The following CECR2 variants were observed in gnomAD, a reference collection of about 807,000 sequenced individuals.
CECR2 encodes chromatin remodeling regulator CECR2.
Under a neutral mutation model 154.5 loss-of-function variants are expected in CECR2, and 30 were observed. The ratio of observed to expected loss-of-function variants is 0.19; its 90% CI spans 0.15 to 0.26. The LOEUF is 0.26. Ranked by LOEUF, CECR2 falls within the 10% of genes least tolerant of loss-of-function variation. The pLI is 1.00. For missense variants in CECR2, 1,743 were observed against 1,829.3 expected, an observed-to-expected ratio of 0.95 and a Z score of 0.86; for synonymous variants, 725 against 683.7, an observed-to-expected ratio of 1.06 and a Z score of -0.94.
chr22:17,499,423 A>G lies in CECR2; in HGVS notation c.419A>G (p.Asp140Gly). Residue 140 changes from aspartate (D) to glycine (G), a missense_variant, in exon 4 of 19, where the codon GAC (aspartate) becomes GGC (glycine). Physicochemically the swap from Asp to Gly is moderately conservative, Grantham distance 94 (BLOSUM62 -1). Coordinates refer to ENST00000262608, the MANE Select transcript of CECR2 (RefSeq NM_001290047.2). The stretch of plus-strand genomic sequence containing the variant: ...TGCTCTGTGTAGGGCCTGGATGCAG[A>G]CAGTCTCCGTGTGGAGCCATTGGGT... ...VFDLLKGLDA[D>G]SLRVEPLGED... 1 of 1,613,672 alleles carries G rather than the reference A, an allele frequency of 6.2e-7. No homozygotes were observed.
At chr22:17,364,914 A>C (rs541402709), upstream of CECR2, among the ~76,000 whole-genome samples, 4 of 152,094 alleles carry the variant, frequency 2.6e-5, no homozygotes, top group South Asian at 8.3e-4. Flanking sequence ...AAGAGAGAAA[A>C]CTGGCTGAAC....
At chr22:17,529,678 C>T (rs983053107) in intron 9 of CECR2, among the ~76,000 whole-genome samples, 4 of 145,912 alleles carry the variant, frequency 2.7e-5, no homozygotes, top group African/African-American at 1.0e-4. Flanking sequence ...CCAGCCTGGG[C>T]GACAGAGCAA....
chr22:17,385,937 T>G (rs1199383549), intron 1 of CECR2, among the ~76,000 whole-genome samples: 1 of 152,118 alleles, frequency 6.6e-6, no homozygotes, highest in African/African-American at 2.4e-5. Flanking sequence ...GAGCATGTGA[T>G]GAAGGTTGCG....
chr22:17,501,849 A>C (rs2055744035), intron 5 of CECR2, among the ~76,000 whole-genome samples: 1 of 152,154 alleles, frequency 6.6e-6, no homozygotes, highest in South Asian at 2.1e-4. Flanking sequence ...TCATTTTAAC[A>C]AGCATCCATG....
At chr22:17,462,369 A>C (rs1458852481) in intron 1 of CECR2, among the ~76,000 whole-genome samples, 3 of 151,066 alleles carry the variant, frequency 2.0e-5, no homozygotes, top group Non-Finnish European at 4.4e-5. Flanking sequence ...TGAAATAATA[A>C]TAAAAAAAAA....
At chr22:17,501,557 CA>C (rs796753354) in intron 5 of CECR2, among the ~76,000 whole-genome samples, 53 of 142,254 alleles carry the variant, frequency 3.7e-4, no homozygotes, top group South Asian at 4.5e-4. Context: ...TACTCCATCT[CA>C]AAAAAAAAAA....
chr22:17,362,769 G>A (rs138781577), intron 1 of CECR2, among the ~76,000 whole-genome samples: 1 of 151,900 alleles, frequency 6.6e-6, no homozygotes, highest in African/African-American at 2.4e-5. Context: ...GGGCACAGCA[G>A]TGGGTGCCTG....
intron 1 of CECR2, among the ~76,000 whole-genome samples, chr22:17,448,682 G>C (rs1298482143): frequency 6.6e-6 from 1 of 152,046 alleles, no homozygotes. Context: ...GTTTTCCTTT[G>C]TCCAGCTTAA....
At chr22:17,380,841 C>T (rs527993725) in intron 1 of CECR2, among the ~76,000 whole-genome samples, 12 of 152,266 alleles carry the variant, frequency 7.9e-5, no homozygotes, top group Admixed American at 3.3e-4. Context: ...TTCTCCTGGC[C>T]GGTTCCTTTT....
At chr22:17,499,287 C>T (rs1386329310) in intron 3 of CECR2, 123 bp from the exon 4 acceptor site, 80 of 1,217,076 alleles carry the variant, frequency 6.6e-5, no homozygotes, top group Non-Finnish European at 8.7e-5. Context: ...CCACGCCCAG[C>T]GATACTTGGG....
chr22:17,373,497 G>A (rs571254847), intron 1 of CECR2, among the ~76,000 whole-genome samples: 2 of 152,258 alleles, frequency 1.3e-5, no homozygotes, highest in Admixed American at 1.3e-4. Flanking sequence ...TGTTAACATT[G>A]TATCCTTCCA....
chr22:17,494,415 A>G (rs1400827214), intron 2 of CECR2, among the ~76,000 whole-genome samples: 1 of 152,004 alleles, frequency 6.6e-6, no homozygotes, highest in Non-Finnish European at 1.5e-5. Context: ...AGTTTGAACT[A>G]CTCTTTGCCC....
chr22:17,406,961 C>T (rs1416812810), intron 1 of CECR2, among the ~76,000 whole-genome samples: 2 of 152,108 alleles, frequency 1.3e-5, no homozygotes, highest in African/African-American at 4.8e-5. Context: ...GGTAAACAAG[C>T]AGATGTGTCA....
intron 1 of CECR2, among the ~76,000 whole-genome samples, chr22:17,392,021 C>G (rs539469362): frequency 6.6e-6 from 1 of 152,256 alleles, no homozygotes; most frequent in South Asian, 2.1e-4. Context: ...AGGCTGGTCT[C>G]GAACTCTCGA....
chr22:17,462,449 G>A (rs1371676461), intron 1 of CECR2, among the ~76,000 whole-genome samples: 4 of 152,162 alleles, frequency 2.6e-5, no homozygotes, highest in South Asian at 2.1e-4. Flanking sequence ...TGAATGTTAA[G>A]TTCAGGATAC....
intron 1 of CECR2, among the ~76,000 whole-genome samples, chr22:17,451,591 C>CTTCCG (rs1224824778): frequency 1.3e-5 from 2 of 152,172 alleles, no homozygotes; most frequent in Non-Finnish European, 2.9e-5. Flanking sequence ...TCACAGGATT[C>CTTCCG]TTCCGTTCCT....
intron 16 of CECR2, among the ~76,000 whole-genome samples, chr22:17,543,421 G>A (rs973993084): frequency 2.2e-4 from 33 of 151,842 alleles, no homozygotes; most frequent in African/African-American, 7.0e-4. Context: ...GGCCCACCGC[G>A]CCCGGCCTTC....
chr22:17,528,677 A>G (rs2056304797), intron 9 of CECR2, among the ~76,000 whole-genome samples: 2 of 152,134 alleles, frequency 1.3e-5, no homozygotes, highest in South Asian at 4.1e-4. Context: ...CTGTGATTAC[A>G]GGTGTACACT....
intron 1 of CECR2, among the ~76,000 whole-genome samples, chr22:17,393,022 A>G (rs1264420019): frequency 6.6e-6 from 1 of 152,340 alleles, no homozygotes; most frequent in East Asian, 1.9e-4. Context: ...CCTGGGTGAC[A>G]GAGTGAGACT....
Sources: gnomAD v4.1 joint callset for allele counts (sites outside exome capture counted in the v4.1 genomes callset) on GRCh38, gnomAD v4.1.1 for gene constraint, MANE v1.5 for transcripts, NCBI Gene and HGNC (gene_info 2026-07-23, HGNC 2026-07-21) for gene names.